Variants in LAMA2 observed in about 807,000 individuals in gnomAD.
The protein encoded by LAMA2 is laminin subunit alpha 2.
Under a neutral mutation model 364.8 loss-of-function variants are expected in LAMA2, and 269 were observed. The ratio of observed to expected loss-of-function variants is 0.74; its 90% CI spans 0.67 to 0.82. The LOEUF (loss-of-function observed/expected upper bound fraction) is 0.82, where lower values mean the gene tolerates loss of function less well. LAMA2 is among the 40% of genes least tolerant of loss of function. LAMA2 has a pLI of 0.00. For missense variants in LAMA2, 3,807 were observed against 3,873.2 expected, an observed-to-expected ratio of 0.98 and a Z score of 0.45; for synonymous variants, 1,379 against 1,370.6, an observed-to-expected ratio of 1.01 and a Z score of -0.14.
chr6:128,898,612 C>T (rs942325411), intron 1 of LAMA2, among the ~76,000 whole-genome samples: 1 of 152,060 alleles, frequency 6.6e-6, no homozygotes, highest in Non-Finnish European at 1.5e-5. Flanking sequence ...TCAGCAGCCT[C>T]CCAGCTGCTC....
chr6:129,232,011 C>T (rs2115131911), intron 12 of LAMA2, among the ~76,000 whole-genome samples: 1 of 152,178 alleles, frequency 6.6e-6, no homozygotes, highest in South Asian at 2.1e-4. Context: ...AATGTTGATA[C>T]AGTAGTGATC....
At chr6:129,247,445 T>A (rs1395312278) in intron 12 of LAMA2, among the ~76,000 whole-genome samples, 2 of 152,136 alleles carry the variant, frequency 1.3e-5, no homozygotes, top group Non-Finnish European at 2.9e-5. Flanking sequence ...AGCAAGACTC[T>A]AGGTCAAAAA....
At chr6:129,067,200 A>T (rs1377460282) in intron 3 of LAMA2, among the ~76,000 whole-genome samples, 1 of 152,214 alleles carries the variant, frequency 6.6e-6, no homozygotes, top group African/African-American at 2.4e-5. Context: ...ACTAACACAG[A>T]AGAGATTATA....
At chr6:129,179,292 G>C (rs1780792604) in intron 10 of LAMA2, among the ~76,000 whole-genome samples, 1 of 151,666 alleles carries the variant, frequency 6.6e-6, no homozygotes, top group South Asian at 2.1e-4. Context: ...CTCAAATAAA[G>C]GACAGTCAAA....
chr6:129,103,739 AT>A lies in LAMA2; in HGVS notation c.639+5331del, dbSNP rs936238609. Reference sequence around the variant, plus strand: ...AATCATTTTTTATTAATATATGCATATTTTTTTCTTTTTTATTGGTTTATGG... The same window carrying A: ...AATCATTTTTTATTAATATATGCATATTTTTTCTTTTTTATTGGTTTATGG... On this transcript the variant is annotated intron_variant, in intron 4 of 64. Transcript: ENST00000421865. Among the ~76,000 whole-genome samples the A allele has an allele frequency of 1.9e-3, 289 of 151,792 alleles. 4 individuals are homozygous for A. Among genetic ancestry groups the A allele is most frequent in the Middle Eastern group, 3.4e-3 (1 of 294 alleles).
At chr6:129,183,767 C>T (rs116179760) in intron 10 of LAMA2, among the ~76,000 whole-genome samples, 1 of 151,560 alleles carries the variant, frequency 6.6e-6, no homozygotes, top group Non-Finnish European at 1.5e-5. Flanking sequence ...ACTTTTCAAA[C>T]CTTTTTCTTT....
intron 2 of LAMA2, among the ~76,000 whole-genome samples, chr6:129,057,053 AT>A (rs201463398): frequency 6.6e-6 from 1 of 151,776 alleles, no homozygotes; most frequent in Admixed American, 6.6e-5. Flanking sequence ...TTTTAATAAA[AT>A]TTTTCTTTTA....
rs754604600 is a variant in LAMA2 at position 129,315,776 on chromosome 6, G to T, written c.3750G>T (p.Gly1250=). The T allele has an allele frequency of 5.6e-6, 9 of 1,613,848 alleles. No homozygotes were observed. The East Asian group carries it at 8.9e-5, about 16-fold the overall frequency. ...TATTTTGTCAGTTGATGGCCTATGG[G>T]GGCAAACTCAAGTATGCAATCTATT... is the stretch of plus-strand genomic sequence containing the variant. ...QFEGKKLMAY[G]GKLKYAIYFE... The change falls in exon 26 of 65, where the codon GGG becomes GGT. Residue 1250 remains glycine, a synonymous_variant. Coordinates refer to ENST00000421865, the MANE Select transcript of LAMA2 (RefSeq NM_000426.4).
In LAMA2 at chr6:129,347,666, A is replaced by G. The variant is rs74530317; in HGVS notation, c.4437-1632A>G. ...TAGGGAAATGTAAAAGATGGTCACC[A>G]TGAGAAAAGCACAAGGATTTCTGAG... On this transcript the variant is annotated intron_variant, in intron 30 of 64. Coordinates refer to ENST00000421865, the MANE Select transcript of LAMA2 (RefSeq NM_000426.4). 6.5e-4 allele frequency among the ~76,000 whole-genome samples: 99 copies of G among 152,322 alleles called. No homozygotes were observed. The East Asian group carries it at 0.015, about 23-fold the overall frequency.
intron 1 of LAMA2, chr6:128,930,083 A>G: frequency 2.9e-6 from 1 of 344,060 alleles, no homozygotes; most frequent in Non-Finnish European, 5.3e-6. Flanking sequence ...GCGGGGTCTC[A>G]ATCAGCAGCC....
rs553921399 is a variant in LAMA2, at chr6:128,970,611, C to T, written c.113-79307C>T. 5.3e-5 allele frequency among the ~76,000 whole-genome samples: 8 copies of T among 152,140 alleles called. No individual in the cohort carries two copies. In the South Asian group the frequency reaches 8.3e-4, roughly 16 times the overall value. Reference sequence around the variant, plus strand: ...AATGACTTCTCTCAAAAATTTATGCCGGAACATCAACAAATAAATTTGCAT... The same window carrying T: ...AATGACTTCTCTCAAAAATTTATGCTGGAACATCAACAAATAAATTTGCAT... On this transcript the variant is annotated intron_variant, in intron 1 of 64. Transcript: ENST00000421865.
At chr6:128,981,495 C>A (rs1030715612) in intron 1 of LAMA2, among the ~76,000 whole-genome samples, 1 of 150,732 alleles carries the variant, frequency 6.6e-6, no homozygotes, top group Non-Finnish European at 1.5e-5. Context: ...GTAATCCCAG[C>A]ACTTTGGGAG....
At chr6:129,152,944 A>G (rs1202755634) in intron 7 of LAMA2, among the ~76,000 whole-genome samples, 1 of 152,100 alleles carries the variant, frequency 6.6e-6, no homozygotes, top group Non-Finnish European at 1.5e-5. Flanking sequence ...CTTTTGTAGA[A>G]TAAATAAAAA....
chr6:129,102,494 A>G (rs575866703), intron 4 of LAMA2, among the ~76,000 whole-genome samples: 1 of 152,140 alleles, frequency 6.6e-6, no homozygotes, highest in East Asian at 1.9e-4. Context: ...TATTTATAGT[A>G]AAATTTTAAT....
intron 43 of LAMA2, chr6:129,442,258 T>G: frequency 7.8e-7 from 1 of 1,290,242 alleles, no homozygotes; most frequent in Non-Finnish European, 1.0e-6. Flanking sequence ...ATAATAGACA[T>G]TATTAATACG....
At position 129,300,844 on chromosome 6, in the gene LAMA2, G is replaced by A; in HGVS notation, c.3146G>A (p.Trp1049Ter). 1.9e-6 allele frequency: 3 copies of A among 1,613,756 alleles called. No homozygotes were observed. The highest frequency in any genetic ancestry group is 1.1e-5 in the South Asian group (1 of 91,076). ...EKCSKCAPNTWGHSITTGCKA... is the reference protein window; with the variant it reads ...EKCSKCAPNT ...TGTTCTAAATGTGCACCCAATACCT[G>A]GGGCCACAGCATTACCACTGGTTGT... Residue 1049 changes from tryptophan (W) to a stop codon, truncating the protein, a stop_gained, in exon 22 of 65, where the codon TGG becomes TAG. Transcript: ENST00000421865. LOFTEE classifies it high-confidence loss of function.
chr6:129,369,879 G>A lies in LAMA2; in HGVS notation c.4861-13G>A. 1 of 1,611,594 alleles carries A rather than the reference G, an allele frequency of 6.2e-7. No individual in the cohort carries two copies. The highest frequency in any genetic ancestry group is 8.5e-7 in the Non-Finnish European group (1 of 1,177,776). On this transcript the variant is annotated splice_polypyrimidine_tract_variant and intron_variant, in intron 33 of 64. Transcript: ENST00000421865. ...ATTTACTAAAAATGTTTATGGGATGGAATCTTTTTCAGCACTTGCTGTCAC... is the reference window on the plus strand; with the variant it reads ...ATTTACTAAAAATGTTTATGGGATGAAATCTTTTTCAGCACTTGCTGTCAC...
chr6:129,298,398 A>C (rs1255930500), intron 21 of LAMA2, among the ~76,000 whole-genome samples: 1 of 152,186 alleles, frequency 6.6e-6, no homozygotes, highest in Non-Finnish European at 1.5e-5. Context: ...AGTTCATCAA[A>C]AAATGCAGGC....
At chr6:129,325,228 T>C (rs1775202558) in intron 28 of LAMA2, among the ~76,000 whole-genome samples, 1 of 152,166 alleles carries the variant, frequency 6.6e-6, no homozygotes, top group East Asian at 1.9e-4. Flanking sequence ...AGAAGAAAAT[T>C]GAGCCATGAA....
Sources: gnomAD v4.1 joint callset for allele counts (sites outside exome capture counted in the v4.1 genomes callset) on GRCh38, gnomAD v4.1.1 for gene constraint, MANE v1.5 for transcripts, NCBI Gene and HGNC (gene_info 2026-07-23, HGNC 2026-07-21) for gene names.